Variants in MAG observed in about 807,000 individuals in gnomAD.
MAG encodes myelin-associated glycoprotein.
In MAG, 30 loss-of-function variants were observed where a neutral mutation model predicts 60.7. The observed-to-expected ratio is 0.49, with a 90% CI of 0.37 to 0.67. The LOEUF (loss-of-function observed/expected upper bound fraction) is 0.67. Ranked by LOEUF, MAG falls within the 30% of genes least tolerant of loss-of-function variation. The pLI, the probability that MAG is intolerant of heterozygous loss-of-function variation, is 0.00. For synonymous variants in MAG, 384 were observed against 376.8 expected (o/e 1.02, Z -0.22); for missense variants, 795 against 851.7 (o/e 0.93, Z 0.83).
In MAG at chr19:35,309,897, T is replaced by A. The variant is rs761405750; in HGVS notation, c.1255T>A (p.Ser419Thr). 3 of 1,611,558 alleles carry A rather than the reference T, an allele frequency of 1.9e-6. No individual in the cohort carries two copies. The highest frequency in any genetic ancestry group is 2.5e-6 in the Non-Finnish European group (3 of 1,179,362). Residue 419 changes from serine to threonine, a missense_variant, in exon 8 of 11, where the codon TCC becomes ACC. Coordinates refer to ENST00000392213, the MANE Select transcript of MAG (RefSeq NM_002361.4). Reference protein sequence around the residue: ...VEFAPVLLLESHCAAARDTVQ... With the variant: ...VEFAPVLLLETHCAAARDTVQ... Reference sequence around the variant, plus strand: ...AGTCGCCCCTGTGCTCCTCCTGGAGTCCCACTGCGCGGCAGCCCGAGACAC... The same window carrying A: ...AGTCGCCCCTGTGCTCCTCCTGGAGACCCACTGCGCGGCAGCCCGAGACAC...
intron 4 of MAG, among the ~76,000 whole-genome samples, chr19:35,299,339 G>T (rs1599650152): frequency 6.6e-6 from 1 of 152,182 alleles, no homozygotes; most frequent in Non-Finnish European, 1.5e-5. Context: ...TTTTCATTAC[G>T]ATGGCGCTCT....
At chr19:35,300,727 T>C (rs751134266) in intron 6 of MAG, among the ~76,000 whole-genome samples, 2 of 152,170 alleles carry the variant, frequency 1.3e-5, no homozygotes, top group Non-Finnish European at 2.9e-5. Context: ...AATCTGCGTT[T>C]TACTTTATAA....
chr19:35,300,040 G>T, intron 5 of MAG, 107 bp from the exon 6 acceptor site: 1 of 1,388,658 alleles, frequency 7.2e-7, no homozygotes, highest in Non-Finnish European at 9.4e-7. Context: ...CGGGGCCAAG[G>T]CTGAGGGCGG....
chr19:35,296,005 G>C (rs748353308), intron 4 of MAG, 24 bp downstream of exon 4: 2 of 1,534,270 alleles, frequency 1.3e-6, no homozygotes, highest in Non-Finnish European at 1.8e-6. Context: ...GGTTGTGCAG[G>C]CACCGGGAGC....
chr19:35,300,073 G>A (rs1037802693), intron 5 of MAG, 74 bp from the exon 6 acceptor site: 4 of 1,449,674 alleles, frequency 2.8e-6, no homozygotes, highest in Non-Finnish European at 3.6e-6. Flanking sequence ...TTGGGGGCGG[G>A]GCCGGGCTGG....
chr19:35,312,370 G>T, intron 10 of MAG: 1 of 1,567,598 alleles, frequency 6.4e-7, no homozygotes, highest in South Asian at 1.1e-5. Flanking sequence ...GGCCCTCCTT[G>T]GGCCCTGGGG....
rs1018548950 is a variant in MAG at position 35,300,397 on chromosome 19, T to C, written c.963T>C (p.Ser321=). ...YGQDNRTVGL[S]VMYAPWKPTV... is the part of the protein sequence containing the mutation. ...AGGACAACCGCACCGTGGGGCTCAG[T>C]GTCATGTGTGAGTGGCCCACTCTGT... Residue 321 remains serine, a synonymous_variant, in exon 6 of 11, where the codon AGT becomes AGC. Transcript: ENST00000392213. 4 of 1,568,264 alleles carry C rather than the reference T, an allele frequency of 2.6e-6. No individual in the cohort carries two copies. In the South Asian group the frequency reaches 4.5e-5, roughly 18 times the overall value.
At position 35,313,634 on chromosome 19, in the gene MAG, G is replaced by A; in HGVS notation, c.*180G>A. 1.7e-6 allele frequency: 1 copy of A among 592,102 alleles called. No homozygotes were observed. The highest frequency in any genetic ancestry group is 3.0e-6 in the Non-Finnish European group (1 of 335,858). 36.7% of individuals were successfully genotyped at this position (592,102 alleles called of 1,614,324 possible). On this transcript the variant is annotated 3_prime_UTR_variant, in exon 11 of 11. Transcript: ENST00000392213. ...CCTTCCCAGCTGCCCCTCCCTGCCA[G>A]CACCCCCACGCCCTCATTACGGCTC... is the stretch of plus-strand genomic sequence containing the variant.
intron 6 of MAG, among the ~76,000 whole-genome samples, chr19:35,301,216 G>C (rs993236988): frequency 6.6e-6 from 1 of 152,084 alleles, no homozygotes; most frequent in African/African-American, 2.4e-5. Context: ...CTAATGAGAG[G>C]GTTGAGGGGA....
intron 7 of MAG, among the ~76,000 whole-genome samples, chr19:35,307,914 C>G (rs532103671): frequency 2.0e-5 from 3 of 152,010 alleles, no homozygotes; most frequent in Admixed American, 6.6e-5. Context: ...GCATCTGCAG[C>G]GCAGACTGAA....
intron 7 of MAG, 116 bp from the exon 8 acceptor site, chr19:35,309,758 A>G (rs1300202319): frequency 6.3e-6 from 7 of 1,104,764 alleles, no homozygotes; most frequent in Non-Finnish European, 9.2e-6. Flanking sequence ...AGGGCCCTAC[A>G]GGAAGCTACC....
intron 7 of MAG, among the ~76,000 whole-genome samples, chr19:35,305,950 C>CCCACCCCCCCCACT: frequency 1.7e-5 from 2 of 117,990 alleles, no homozygotes; most frequent in African/African-American, 4.1e-5. Flanking sequence ...GCAAGACTGT[C>CCCACCCCCCCCACT]CCAGCCCCCC....
At chr19:35,300,494 T>A in intron 6 of MAG, 90 bp downstream of exon 6, 1 of 1,453,496 alleles carries the variant, frequency 6.9e-7, no homozygotes, top group East Asian at 2.4e-5. Flanking sequence ...ATGGGCTGGG[T>A]CCCGAGGGGA....
chr19:35,298,993 A>G (rs1017600609), intron 4 of MAG, among the ~76,000 whole-genome samples: 3 of 149,306 alleles, frequency 2.0e-5, no homozygotes, highest in African/African-American at 7.4e-5. Flanking sequence ...CACACCACAT[A>G]CTACACAAAC....
In MAG at chr19:35,295,559, G is replaced by T. The variant is rs1209883159; in HGVS notation, c.47-54G>T. The T allele has an allele frequency of 4.4e-6, 7 of 1,597,294 alleles. No individual in the cohort carries two copies. The highest frequency in any genetic ancestry group is 6.0e-6 in the Non-Finnish European group (7 of 1,172,176). On this transcript the variant is annotated intron_variant, in intron 3 of 10. Coordinates refer to ENST00000392213, the MANE Select transcript of MAG (RefSeq NM_002361.4). The surrounding 1 kb of genome is among the most constrained non-coding windows in gnomAD (Gnocchi z 5.8). The stretch of plus-strand genomic sequence containing the variant: ...ATGTGGTTGGGGATGGGAGCCGGAG[G>T]GGGTGATCGGGTAGGACGTGTCCCT...
Position 35,309,867 on chromosome 19 carries a change from C to T in MAG, c.1232-7C>T, listed in dbSNP as rs762591226. On this transcript the variant is annotated splice_polypyrimidine_tract_variant and splice_region_variant and intron_variant, in intron 7 of 10. Transcript: ENST00000392213. ...GGCCACCCTCAGACCTGATTTTGCCCCTGCAGTCGCCCCTGTGCTCCTCCT... is the reference window on the plus strand; with the variant it reads ...GGCCACCCTCAGACCTGATTTTGCCTCTGCAGTCGCCCCTGTGCTCCTCCT... 4 of 1,603,492 alleles carry T rather than the reference C, an allele frequency of 2.5e-6. No homozygotes were observed. The highest frequency in any genetic ancestry group is 2.6e-6 in the Non-Finnish European group (3 of 1,175,888).
Position 35,300,157 on chromosome 19 carries a change from G to T in MAG, c.723G>T (p.Val241=). The stretch of plus-strand genomic sequence containing the variant: ...TGTCGCGGGCCTTAGACCCCCCGGT[G>T]ATTGTGGAGATGAACTCCTCGGTGG... ...YASMDVKYPP[V]IVEMNSSVEA... The change falls in exon 6 of 11, where the codon GTG becomes GTT. Residue 241 remains valine (V), a synonymous_variant. Coordinates refer to ENST00000392213, the MANE Select transcript of MAG (RefSeq NM_002361.4). 1 of 1,537,026 alleles carries T rather than the reference G, an allele frequency of 6.5e-7. No homozygotes were observed. The highest frequency in any genetic ancestry group is 8.8e-7 in the Non-Finnish European group (1 of 1,138,062).
chr19:35,298,823 G>A (rs996058730), intron 4 of MAG, among the ~76,000 whole-genome samples: 5 of 139,792 alleles, frequency 3.6e-5, no homozygotes, highest in Non-Finnish European at 4.6e-5. Flanking sequence ...ACACATACAT[G>A]TACTACCCAC....
At position 35,309,909 on chromosome 19, in the gene MAG, G is replaced by A. The variant is rs750364593; in HGVS notation, c.1267G>A (p.Ala423Thr). Residue 423 changes from alanine to threonine, a missense_variant, in exon 8 of 11, where the codon GCA (alanine) becomes ACA (threonine). Transcript: ENST00000392213. ...PVLLLESHCA[A>T]ARDTVQCLCV... ...GCTCCTCCTGGAGTCCCACTGCGCG[G>A]CAGCCCGAGACACGGTGCAGTGCCT... The A allele has an allele frequency of 6.2e-7, 1 of 1,613,254 alleles. No individual in the cohort carries two copies. The highest frequency in any genetic ancestry group is 1.1e-5 in the South Asian group (1 of 91,080).
Sources: gnomAD v4.1 joint callset for allele counts (sites outside exome capture counted in the v4.1 genomes callset) on GRCh38, gnomAD v4.1.1 for gene constraint, Gnocchi (gnomAD v3.1) non-coding constraint, MANE v1.5 for transcripts, NCBI Gene and HGNC (gene_info 2026-07-23, HGNC 2026-07-21) for gene names.